The following ZYX variants were observed in gnomAD, a reference collection of about 807,000 sequenced individuals.
ZYX encodes the protein zyxin.
Under a neutral mutation model 58.1 loss-of-function variants are expected in ZYX, and 37 were observed. The ratio of observed to expected loss-of-function variants is 0.64; its 90% CI spans 0.49 to 0.84. The LOEUF is 0.84. Among genes scored for constraint, ZYX ranks in the 40% least tolerant of loss-of-function variants. ZYX has a pLI of 0.00. For missense variants in ZYX, 762 were observed against 761.6 expected (o/e 1.00, Z -0.01); for synonymous variants, 324 against 321.1 (o/e 1.01, Z -0.10).
At position 143,384,740 on chromosome 7, in the gene ZYX, A is replaced by G. The variant is rs7787179; in HGVS notation, c.1023+1418A>G. The stretch of plus-strand genomic sequence containing the variant: ...CAATTGGAAGACAAGGGTGAGGGGA[A>G]GAGGGAAAAAAAAGTCTCCAGCACG... On this transcript the variant is annotated intron_variant, in intron 5 of 9. Coordinates refer to ENST00000322764, the MANE Select transcript of ZYX (RefSeq NM_003461.5). This position sits in a 1 kb window ranked among gnomAD's most constrained non-coding sequence, Gnocchi z 4.9. Among the ~76,000 whole-genome samples the G allele has an allele frequency of 0.15, 23,302 of 152,110 alleles. 2,150 individuals carry two copies. Among genetic ancestry groups the G allele is most frequent in the Non-Finnish European group, 0.21 (14,258 of 67,986 alleles).
chr7:143,388,146 C>A lies in ZYX; in HGVS notation c.1024-73C>A. 6.6e-7 allele frequency: 1 copy of A among 1,513,410 alleles called. No homozygotes were observed. The allele number at this position is 1,513,410 out of a possible 1,614,324, so 93.7% of individuals were successfully genotyped here. On this transcript the variant is annotated intron_variant, in intron 5 of 9. Coordinates refer to ENST00000322764, the MANE Select transcript of ZYX (RefSeq NM_003461.5). The surrounding 1 kb of genome is among the most constrained non-coding windows in gnomAD (Gnocchi z 7.5). ...GGAGCTAAGCCTCATCGGAAGAAGC[C>A]GGGTAGGCTGGCCTGGGAAGGTTCT...
At position 143,382,819 on chromosome 7, in the gene ZYX, C is replaced by T. The variant is rs372960710; in HGVS notation, c.520C>T (p.Pro174Ser). Residue 174 changes from proline to serine, a missense_variant, in exon 5 of 10, where the codon CCC becomes TCC. Coordinates refer to ENST00000322764, the MANE Select transcript of ZYX (RefSeq NM_003461.5). ...FKARVSSGYV[P>S]PPVATPFSSK... ...CTTGCAGGTGTCATCTGGATATGTGCCCCCACCAGTGGCCACTCCATTCAG... is the reference window on the plus strand; with the variant it reads ...CTTGCAGGTGTCATCTGGATATGTGTCCCCACCAGTGGCCACTCCATTCAG... 147 of 1,605,742 alleles carry T rather than the reference C, an allele frequency of 9.2e-5. No homozygotes were observed. Among genetic ancestry groups the T allele is most frequent in the Non-Finnish European group, 1.1e-4 (134 of 1,175,398 alleles).
intron 4 of ZYX, 46 bp from the exon 5 acceptor site, chr7:143,382,755 G>A (rs746369589): frequency 6.2e-7 from 1 of 1,613,164 alleles, no homozygotes; most frequent in Non-Finnish European, 8.5e-7. Flanking sequence ...TAAGGAGGAT[G>A]GTGTCCTCCT....
chr7:143,390,099 G>C lies in ZYX; in HGVS notation c.1614+122G>C. 2.2e-6 allele frequency: 3 copies of C among 1,385,052 alleles called. No homozygotes were observed. Among genetic ancestry groups the C allele is most frequent in the Non-Finnish European group, 3.0e-6 (3 of 1,006,360 alleles). The allele number at this position is 1,385,052 out of a possible 1,614,324, so 85.8% of individuals were successfully genotyped here. ...GAAACAGGGCTGTGATTTTGAGGGT[G>C]GCTCATGGTGGCACCCCATCTGTCC... On this transcript the variant is annotated intron_variant, in intron 9 of 9. Transcript: ENST00000322764. The surrounding 1 kb of genome is among the most constrained non-coding windows in gnomAD (Gnocchi z 4.3).
chr7:143,389,803 A>G lies in ZYX; in HGVS notation c.1494-54A>G, dbSNP rs1295452683. ...TGCCCAACCTGGCTTATGCGTGCGC[A>G]CACCGGGGATGAAAGCCCTGGCTAA... On this transcript the variant is annotated intron_variant, in intron 8 of 9. Coordinates refer to ENST00000322764, the MANE Select transcript of ZYX (RefSeq NM_003461.5). This position sits in a 1 kb window ranked among gnomAD's most constrained non-coding sequence, Gnocchi z 5.6. 6 of 1,605,512 alleles carry G rather than the reference A, an allele frequency of 3.7e-6. No homozygotes were observed. The highest frequency in any genetic ancestry group is 5.1e-6 in the Non-Finnish European group (6 of 1,177,448).
chr7:143,381,978 C>T (rs1178144120), intron 2 of ZYX, 199 bp downstream of exon 2: 21 of 638,332 alleles, frequency 3.3e-5, no homozygotes, highest in Non-Finnish European at 5.5e-5. Context: ...AGTCCCCCGC[C>T]TGGGAGTGGG....
chr7:143,385,686 TG>T (rs1804837893), intron 5 of ZYX, among the ~76,000 whole-genome samples: 1 of 109,504 alleles, frequency 9.1e-6, no homozygotes, highest in Non-Finnish European at 1.9e-5. Context: ...TTTTTTTTTT[TG>T]GAGACGGAGT....
At chr7:143,382,098 C>G in intron 2 of ZYX, 150 bp from the exon 3 acceptor site, 7 of 684,568 alleles carry the variant, frequency 1.0e-5, no homozygotes, top group Non-Finnish European at 1.7e-5. Context: ...CCTGGTACTC[C>G]CAGGGCGCCC....
chr7:143,383,835 C>A (rs1472985970), intron 5 of ZYX, among the ~76,000 whole-genome samples: 1 of 152,220 alleles, frequency 6.6e-6, no homozygotes, highest in Non-Finnish European at 1.5e-5. Flanking sequence ...GGGAAGAGAT[C>A]TCTGCAAGAA....
intron 5 of ZYX, among the ~76,000 whole-genome samples, chr7:143,385,115 T>C (rs1804807732): frequency 6.6e-6 from 1 of 152,018 alleles, no homozygotes; most frequent in South Asian, 2.1e-4. Flanking sequence ...AGAGCTGAGC[T>C]CCTCAGTGGG....
Position 143,388,497 on chromosome 7 carries a change from G to A in ZYX, c.1153G>A (p.Gly385Ser), listed in dbSNP as rs779247184. Reference sequence around the variant, plus strand: ...TTCTCTGGCCTTCCCAGAACTCTGCGGCCGATGCCATCAACCCCTGGCCCG... The same window carrying A: ...TTCTCTGGCCTTCCCAGAACTCTGCAGCCGATGCCATCAACCCCTGGCCCG... ...RQNVAVNELC[G>S]RCHQPLARAQ... The change falls in exon 7 of 10, where the codon GGC (glycine) becomes AGC (serine). Residue 385 changes from glycine (G) to serine (S), a missense_variant. Gly to Ser is a moderately conservative substitution (Grantham distance 56, BLOSUM62 0). Transcript: ENST00000322764. This position sits in a 1 kb window ranked among gnomAD's most constrained non-coding sequence, Gnocchi z 7.5. The A allele has an allele frequency of 1.3e-5, 21 of 1,609,850 alleles. No individual in the cohort carries two copies. The highest frequency in any genetic ancestry group is 3.3e-5 in the Admixed American group (2 of 59,946).
At position 143,390,211 on chromosome 7, in the gene ZYX, C is replaced by G; in HGVS notation, c.1614+234C>G. 2 of 577,898 alleles carry G rather than the reference C, an allele frequency of 3.5e-6. No homozygotes were observed. The highest frequency in any genetic ancestry group is 4.0e-5 in the South Asian group (2 of 49,762). 35.8% of individuals were successfully genotyped at this position (577,898 alleles called of 1,614,324 possible). On this transcript the variant is annotated intron_variant, in intron 9 of 9. Coordinates refer to ENST00000322764, the MANE Select transcript of ZYX (RefSeq NM_003461.5). This position sits in a 1 kb window ranked among gnomAD's most constrained non-coding sequence, Gnocchi z 4.3. ...GTCATGGATAAGCCAAGAAATGGGA[C>G]AAGCCAATAGGAGAGAAGAAGGGCA...
In ZYX at chr7:143,388,999, C is replaced by T. The variant is rs749412640; in HGVS notation, c.1493+54C>T. ...TCCCGGCGTGCTTGGTCTGGTAGCC[C>T]GGCTGCTTGCTACCCTAGCCTCAGG... is the stretch of plus-strand genomic sequence containing the variant. On this transcript the variant is annotated intron_variant, in intron 8 of 9. Coordinates refer to ENST00000322764, the MANE Select transcript of ZYX (RefSeq NM_003461.5). The surrounding 1 kb of genome is among the most constrained non-coding windows in gnomAD (Gnocchi z 7.5). 9.4e-5 allele frequency: 146 copies of T among 1,556,468 alleles called. No homozygotes were observed. The highest frequency in any genetic ancestry group is 1.4e-4 in the East Asian group (6 of 44,426).
At position 143,388,337 on chromosome 7, in the gene ZYX, A is replaced by C. The variant is rs1034571765; in HGVS notation, c.1142A>C (p.Asn381Thr). The change falls in exon 6 of 10, where the codon AAC (asparagine) becomes ACC (threonine). Residue 381 changes from asparagine (N) to threonine (T), a missense_variant and splice_region_variant. Physicochemically the swap from Asn to Thr is moderately conservative, Grantham distance 65. Transcript: ENST00000322764. This position sits in a 1 kb window ranked among gnomAD's most constrained non-coding sequence, Gnocchi z 7.5. ...EHPQRQNVAVNELCGRCHQPL... is the reference protein window; with the variant it reads ...EHPQRQNVAVTELCGRCHQPL... Reference sequence around the variant, plus strand: ...CCTCAGAGGCAGAATGTGGCTGTCAACGGTGAGCCCACCCCACCGGGACAC... The same window carrying C: ...CCTCAGAGGCAGAATGTGGCTGTCACCGGTGAGCCCACCCCACCGGGACAC... The C allele has an allele frequency of 3.7e-5, 59 of 1,613,664 alleles. No homozygotes were observed. The highest frequency in any genetic ancestry group is 5.0e-5 in the Non-Finnish European group (59 of 1,179,764).
rs4495332 is a variant in ZYX, at chr7:143,384,763, A to G, written c.1023+1441A>G. ...GAAGAGGGAAAAAAAAGTCTCCAGCACGATTTGGAGATGGGGTGTGGGCGG... is the reference window on the plus strand; with the variant it reads ...GAAGAGGGAAAAAAAAGTCTCCAGCGCGATTTGGAGATGGGGTGTGGGCGG... On this transcript the variant is annotated intron_variant, in intron 5 of 9. Transcript: ENST00000322764. This position sits in a 1 kb window ranked among gnomAD's most constrained non-coding sequence, Gnocchi z 4.9. 1 allele frequency among the ~76,000 whole-genome samples: 151,825 copies of G among 152,242 alleles called. 75,705 individuals carry two copies. Among genetic ancestry groups the G allele is most frequent in the Middle Eastern group, 1 (294 of 294 alleles).
In ZYX at chr7:143,383,230, C is replaced by A. The variant is rs142720695; in HGVS notation, c.931C>A (p.Pro311Thr). Residue 311 changes from proline to threonine, a missense_variant, in exon 5 of 10, where the codon CCT (proline) becomes ACT (threonine). Coordinates refer to ENST00000322764, the MANE Select transcript of ZYX (RefSeq NM_003461.5). ...ALSAGTGSPQPPSFTYAQQRE... is the reference protein window; with the variant it reads ...ALSAGTGSPQTPSFTYAQQRE... ...TTCTGCTGGCACAGGCTCCCCTCAA[C>A]CTCCCAGCTTCACCTATGCCCAGCA... The A allele has an allele frequency of 1.8e-4, 283 of 1,614,156 alleles. 4 individuals are homozygous for A. The African/African-American group carries it at 3.5e-3, about 20-fold the overall frequency.
At chr7:143,382,515 C>T in intron 3 of ZYX, 68 bp downstream of exon 3, 2 of 1,594,928 alleles carry the variant, frequency 1.3e-6, no homozygotes, top group Non-Finnish European at 1.7e-6. Context: ...GCCCTTTCTT[C>T]TTACCTCCCC....
Position 143,382,634 on chromosome 7 carries a change from T to A in ZYX, c.450T>A (p.Ser150=), listed in dbSNP as rs1256558755. ...GCAGTATTGATTTGGAGATCGACTC[T>A]CTGTCCTCACTGCTGGATGACATGA... ...KVSSIDLEID[S]LSSLLDDMTK... Residue 150 remains serine (S), a synonymous_variant, in exon 4 of 10, where the codon TCT becomes TCA. Transcript: ENST00000322764. 1 of 1,614,058 alleles carries A rather than the reference T, an allele frequency of 6.2e-7. No homozygotes were observed. Among genetic ancestry groups the A allele is most frequent in the Admixed American group, 1.7e-5 (1 of 60,020 alleles).
chr7:143,382,260 C>A lies in ZYX; in HGVS notation c.221C>A (p.Pro74His), dbSNP rs757664388. 6 of 1,612,662 alleles carry A rather than the reference C, an allele frequency of 3.7e-6. No individual in the cohort carries two copies. In the Admixed American group the frequency reaches 1.0e-4, roughly 27 times the overall value. ...PPPPPEDFPL[P>H]PPPLAGDGDD... ...CTTCCTACCCCAGACTTTCCCCTGC[C>A]TCCACCTCCCCTTGCTGGGGATGGC... The change falls in exon 3 of 10, where the codon CCT (proline) becomes CAT (histidine). Residue 74 changes from proline (P) to histidine (H), a missense_variant. By Grantham distance (77) the Pro-to-His change is moderately conservative. Coordinates refer to ENST00000322764, the MANE Select transcript of ZYX (RefSeq NM_003461.5).
Sources: gnomAD v4.1 joint callset for allele counts (sites outside exome capture counted in the v4.1 genomes callset) on GRCh38, gnomAD v4.1.1 for gene constraint, Gnocchi (gnomAD v3.1) non-coding constraint, MANE v1.5 for transcripts, NCBI Gene and HGNC (gene_info 2026-07-23, HGNC 2026-07-21) for gene names.